AP5M1: variants seen among roughly 807,000 people sequenced by gnomAD.
AP5M1 encodes the protein AP-5 complex subunit mu-1.
Under a neutral mutation model 52.3 loss-of-function variants are expected in AP5M1, and 44 were observed. That is an observed-to-expected ratio of 0.84 (90% CI 0.66 to 1.08). The LOEUF is 1.08. Among genes scored for constraint, AP5M1 ranks in the 50% least tolerant of loss-of-function variants. The probability of loss-of-function intolerance (pLI) is 0.00; values close to 1 mark genes in which losing one functional copy is unlikely to be tolerated. For missense variants in AP5M1, 526 were observed against 568.4 expected (o/e 0.93, Z 0.76); for synonymous variants, 213 against 199.0 (o/e 1.07, Z -0.59).
In AP5M1 at chr14:57,289,722, T is replaced by G. The variant is rs1885396350; in HGVS notation, c.*838T>G. On this transcript the variant is annotated 3_prime_UTR_variant, in exon 8 of 8. Transcript: ENST00000261558. ...GACCTAATACTGCTCTTGCTGTGTC[T>G]TATTAAGTTAAAATTAATGAATGAA... The G allele has an allele frequency of 6.6e-6, 1 of 152,022 alleles. No homozygotes were observed. The highest frequency in any genetic ancestry group is 1.5e-5 in the Non-Finnish European group (1 of 67,956). 9.4% of individuals were successfully genotyped at this position (152,022 alleles called of 1,614,324 possible). A position where few individuals can be genotyped will look rare whatever the true frequency, so the allele number is the denominator to read the frequency against.
In AP5M1 at chr14:57,286,235, A is replaced by G; in HGVS notation, c.1306A>G (p.Ile436Val). 3.7e-6 allele frequency: 6 copies of G among 1,606,886 alleles called. No homozygotes were observed. The highest frequency in any genetic ancestry group is 5.1e-6 in the Non-Finnish European group (6 of 1,174,500). ...ETAYLKLHFR[I>V]LDYTLTGCYA... ...CTCTTCTTTCTAGCTTCATTTTAGG[A>G]TCTTAGATTACACACTTACTGGATG... Residue 436 changes from isoleucine (I) to valine (V), a missense_variant, in exon 7 of 8, where the codon ATC becomes GTC. Physicochemically the swap from Ile to Val is conservative, Grantham distance 29. This residue lies in a region of AP5M1 where 97 missense variants were observed against 121.3 expected (regional missense o/e 0.80). Coordinates refer to ENST00000261558, the MANE Select transcript of AP5M1 (RefSeq NM_018229.4).
At chr14:57,280,086 T>G (rs1885134450) in intron 2 of AP5M1, 109 bp from the exon 3 acceptor site, 1 of 794,366 alleles carries the variant, frequency 1.3e-6, no homozygotes. Flanking sequence ...GAACAATACC[T>G]AGAGAAAAGT....
chr14:57,272,386 A>G (rs1232628779), intron 1 of AP5M1, among the ~76,000 whole-genome samples: 2 of 152,160 alleles, frequency 1.3e-5, no homozygotes, highest in Non-Finnish European at 2.9e-5. Flanking sequence ...CTAAGTACTT[A>G]TTTCCTATAA....
chr14:57,286,297 A>G lies in AP5M1; in HGVS notation c.1368A>G (p.Ser456=). ...AGCATTCAGTTCAAGTTTTTGCATC[A>G]GGAAAACCAAAAATAAGTGCACGTA... ...ADQHSVQVFA[S]GKPKISAHRK... Residue 456 remains serine (S), a synonymous_variant, in exon 7 of 8, where the codon TCA becomes TCG. Coordinates refer to ENST00000261558, the MANE Select transcript of AP5M1 (RefSeq NM_018229.4). The G allele has an allele frequency of 6.2e-7, 1 of 1,611,376 alleles. No homozygotes were observed. Among genetic ancestry groups the G allele is most frequent in the Non-Finnish European group, 8.5e-7 (1 of 1,177,734 alleles).
Position 57,278,948 on chromosome 14 carries a change from C to G in AP5M1, c.721-1247C>G, listed in dbSNP as rs746670461. Among the ~76,000 whole-genome samples, 76 of 152,136 alleles carry G rather than the reference C, an allele frequency of 5.0e-4. 1 individual carries two copies. The highest frequency in any genetic ancestry group is 8.7e-4 in the Non-Finnish European group (59 of 68,026). On this transcript the variant is annotated intron_variant, in intron 2 of 7. Transcript: ENST00000261558. Reference sequence around the variant, plus strand: ...TGATAAAAAGCTCAACGTCACTGATCATTAGAGAAATGCAAATCAAAACCA... The same window carrying G: ...TGATAAAAAGCTCAACGTCACTGATGATTAGAGAAATGCAAATCAAAACCA...
chr14:57,280,572 A>G lies in AP5M1; in HGVS notation c.948+150A>G, dbSNP rs143934998. 6.7e-4 allele frequency: 449 copies of G among 668,256 alleles called. 2 individuals are homozygous for G. The African/African-American group carries it at 7.2e-3, about 11-fold the overall frequency. The allele number at this position is 668,256 out of a possible 1,614,324, so 41.4% of individuals were successfully genotyped here. On this transcript the variant is annotated intron_variant, in intron 3 of 7. Transcript: ENST00000261558. ...ATGATTGAAGATGAAGATTTAGACCAGGCACGGTGGCTCATGCCTGTAATC... is the reference window on the plus strand; with the variant it reads ...ATGATTGAAGATGAAGATTTAGACCGGGCACGGTGGCTCATGCCTGTAATC...
rs1885580374 is a variant in AP5M1, at chr14:57,297,666, C to T, written c.*8782C>T. The T allele has an allele frequency of 6.6e-6, 1 of 151,962 alleles. No homozygotes were observed. Among genetic ancestry groups the T allele is most frequent in the African/African-American group, 2.4e-5 (1 of 41,376 alleles). 9.4% of individuals were successfully genotyped at this position (151,962 alleles called of 1,614,324 possible). A position where few individuals can be genotyped will look rare whatever the true frequency, so the allele number is the denominator to read the frequency against. On this transcript the variant is annotated 3_prime_UTR_variant, in exon 8 of 8. Transcript: ENST00000261558. The stretch of plus-strand genomic sequence containing the variant: ...ATTTATATTAGTGTGCCAGTCTTTC[C>T]CCTACCTCCCTAATATTTCAAACTT...
Position 57,269,206 on chromosome 14 carries a change from G to A in AP5M1, c.-109G>A. 9.5e-7 allele frequency: 1 copy of A among 1,055,272 alleles called. No homozygotes were observed. The highest frequency in any genetic ancestry group is 1.4e-5 in the South Asian group (1 of 70,406). The allele number at this position is 1,055,272 out of a possible 1,614,324, so 65.4% of individuals were successfully genotyped here. ...CTGAGCGCGACCGGTATGCGGCGCA[G>A]GATGAGCCTCAGGGCTTCTGTTAAG... On this transcript the variant is annotated 5_prime_UTR_variant, in exon 1 of 8. Transcript: ENST00000261558.
chr14:57,288,977 T>A lies in AP5M1; in HGVS notation c.*93T>A. 1.4e-6 allele frequency: 1 copy of A among 711,496 alleles called. No homozygotes were observed. Among genetic ancestry groups the A allele is most frequent in the Non-Finnish European group, 2.3e-6 (1 of 435,198 alleles). The allele number at this position is 711,496 out of a possible 1,614,324, so 44.1% of individuals were successfully genotyped here. ...AATGTGGATGCATATAACCTGTGAG[T>A]GAAAAATCACTGAATGATTTAATTG... On this transcript the variant is annotated 3_prime_UTR_variant, in exon 8 of 8. Coordinates refer to ENST00000261558, the MANE Select transcript of AP5M1 (RefSeq NM_018229.4).
At chr14:57,287,788 TAATA>T (rs972232951) in intron 7 of AP5M1, among the ~76,000 whole-genome samples, 6 of 152,148 alleles carry the variant, frequency 3.9e-5, no homozygotes, top group African/African-American at 1.4e-4. Context: ...AGTTTAGTAA[TAATA>T]ATACCAATTT....
chr14:57,286,842 CTT>C (rs1199202728), intron 7 of AP5M1, among the ~76,000 whole-genome samples: 2 of 152,058 alleles, frequency 1.3e-5, no homozygotes, highest in African/African-American at 2.4e-5. Flanking sequence ...TTATTTAAAA[CTT>C]TTAAATATCT....
rs116583248 is a variant in AP5M1 at position 57,282,970 on chromosome 14, T to G, written c.1125T>G (p.Phe375Leu). Residue 375 changes from phenylalanine to leucine, a missense_variant, in exon 5 of 8, where the codon TTT becomes TTG. Coordinates refer to ENST00000261558, the MANE Select transcript of AP5M1 (RefSeq NM_018229.4). ...CACATTTGGAATACAAAACTAGTTTTGGCCAGCTTGAAGTATTTCGAGAGA... is the reference window on the plus strand; with the variant it reads ...CACATTTGGAATACAAAACTAGTTTGGGCCAGCTTGAAGTATTTCGAGAGA... ...PITHLEYKTS[F>L]GQLEVFREKS... is the part of the protein sequence containing the mutation. The G allele has an allele frequency of 3.0e-3, 4,768 of 1,601,202 alleles. 11 individuals are homozygous for G. The highest frequency in any genetic ancestry group is 3.4e-3 in the Non-Finnish European group (4,033 of 1,172,650).
At chr14:57,278,575 G>A (rs966398117) in intron 2 of AP5M1, 22 of 152,160 alleles carry the variant, frequency 1.4e-4, no homozygotes, top group African/African-American at 5.3e-4. Flanking sequence ...GACTACATAG[G>A]GAAGAAGATC....
At chr14:57,281,598 C>G (rs1166128583) in intron 3 of AP5M1, among the ~76,000 whole-genome samples, 1 of 152,240 alleles carries the variant, frequency 6.6e-6, no homozygotes, top group Non-Finnish European at 1.5e-5. Context: ...TTAGGGCTTG[C>G]CCTGTATAAG....
intron 1 of AP5M1, among the ~76,000 whole-genome samples, chr14:57,273,442 A>G (rs1884941911): frequency 6.6e-6 from 1 of 152,218 alleles, no homozygotes; most frequent in Non-Finnish European, 1.5e-5. Context: ...GATAAATGAC[A>G]TTGTTCTGGA....
At chr14:57,275,888 G>C (rs1885023086) in intron 2 of AP5M1, among the ~76,000 whole-genome samples, 1 of 152,098 alleles carries the variant, frequency 6.6e-6, no homozygotes, top group Non-Finnish European at 1.5e-5. Flanking sequence ...CTTCCTACAA[G>C]TTTATATTAA....
At chr14:57,280,816 A>C (rs1594703632) in intron 3 of AP5M1, among the ~76,000 whole-genome samples, 1 of 151,112 alleles carries the variant, frequency 6.6e-6, no homozygotes, top group Non-Finnish European at 1.5e-5. Context: ...GCACCAGCGC[A>C]CTCCAGCCTG....
At position 57,294,933 on chromosome 14, in the gene AP5M1, CCTT is replaced by C. The variant is rs1269828466; in HGVS notation, c.*6053_*6055del. 6.6e-6 allele frequency: 1 copy of C among 151,826 alleles called. No homozygotes were observed. Among genetic ancestry groups the C allele is most frequent in the Non-Finnish European group, 1.5e-5 (1 of 67,844 alleles). 9.4% of individuals were successfully genotyped at this position (151,826 alleles called of 1,614,324 possible). ...ATTGTGTTCTAGCTCAAAAAACAGA[CCTT>C]CTTAGAATTTCTTATTTTTTAAAAA... On this transcript the variant is annotated 3_prime_UTR_variant, in exon 8 of 8. Coordinates refer to ENST00000261558, the MANE Select transcript of AP5M1 (RefSeq NM_018229.4).
intron 7 of AP5M1, among the ~76,000 whole-genome samples, chr14:57,288,190 T>C (rs1423334391): frequency 6.6e-6 from 1 of 151,172 alleles, no homozygotes; most frequent in Non-Finnish European, 1.5e-5. Context: ...TATTTAATTA[T>C]ATATATATAT....
Sources: gnomAD v4.1 joint callset for allele counts (sites outside exome capture counted in the v4.1 genomes callset) on GRCh38, gnomAD v4.1.1 for gene constraint, gnomAD v4.1.1 regional missense constraint, MANE v1.5 for transcripts, NCBI Gene and HGNC (gene_info 2026-07-23, HGNC 2026-07-21) for gene names.